FEZ2: variants seen among roughly 807,000 people sequenced by gnomAD.
FEZ2 encodes fasciculation and elongation protein zeta-2.
A neutral mutation model predicts 40.4 loss-of-function variants in FEZ2; 51 were observed. That is an observed-to-expected ratio of 1.26 (90% CI 1.01 to 1.59). FEZ2 has a LOEUF of 1.59. Ranked by LOEUF, FEZ2 falls within the 40% of genes most tolerant of loss-of-function variation. The pLI is 0.00. For missense variants in FEZ2, 640 were observed against 438.3 expected, an observed-to-expected ratio of 1.46 and a Z score of -4.11; for synonymous variants, 242 against 172.0, an observed-to-expected ratio of 1.41 and a Z score of -3.18.
chr2:36,584,452 T>C (rs1668842404), intron 2 of FEZ2, among the ~76,000 whole-genome samples: 1 of 152,194 alleles, frequency 6.6e-6, no homozygotes, highest in East Asian at 1.9e-4. Flanking sequence ...GTACTGATTG[T>C]AAAAACTTTG....
intron 4 of FEZ2, among the ~76,000 whole-genome samples, chr2:36,580,030 T>C (rs1668686926): frequency 6.6e-6 from 1 of 152,222 alleles, no homozygotes; most frequent in African/African-American, 2.4e-5. Flanking sequence ...GGCAGCCATC[T>C]GCATGTCAAG....
intron 5 of FEZ2, among the ~76,000 whole-genome samples, chr2:36,559,675 TC>T (rs1342365459): frequency 2.0e-5 from 3 of 152,214 alleles, no homozygotes; most frequent in African/African-American, 7.2e-5. Context: ...AATGATGTCC[TC>T]CTGGCTTCAC....
At chr2:36,587,524 C>T (rs939027628) in intron 2 of FEZ2, among the ~76,000 whole-genome samples, 7 of 152,270 alleles carry the variant, frequency 4.6e-5, no homozygotes, top group East Asian at 1.9e-4. Context: ...TTGCCTTACT[C>T]TAAAAAAGAC....
At chr2:36,593,097 T>C (rs1573034203) in intron 1 of FEZ2, among the ~76,000 whole-genome samples, 1 of 152,190 alleles carries the variant, frequency 6.6e-6, no homozygotes, top group East Asian at 1.9e-4. Flanking sequence ...AATGACTGTA[T>C]AGTCCATTTT....
At chr2:36,588,319 C>T (rs373044403) in intron 2 of FEZ2, among the ~76,000 whole-genome samples, 7 of 152,242 alleles carry the variant, frequency 4.6e-5, no homozygotes, top group South Asian at 2.1e-4. Context: ...TGAGCCACCG[C>T]GCCCAGCCAG....
chr2:36,561,082 T>C (rs1175020635), intron 5 of FEZ2, among the ~76,000 whole-genome samples: 1 of 152,278 alleles, frequency 6.6e-6, no homozygotes, highest in East Asian at 1.9e-4. Flanking sequence ...GTTTTTATGC[T>C]ACTATATTCA....
chr2:36,561,405 C>G (rs767829205), intron 5 of FEZ2: 1 of 152,150 alleles, frequency 6.6e-6, no homozygotes, highest in East Asian at 1.9e-4. Context: ...TGCAGAAATG[C>G]GAACTAGAAG....
intron 5 of FEZ2, among the ~76,000 whole-genome samples, chr2:36,568,935 G>A (rs370896294): frequency 6.6e-6 from 1 of 152,064 alleles, no homozygotes; most frequent in East Asian, 1.9e-4. Context: ...ACCAAAATCT[G>A]AAAGACGAAG....
Position 36,581,328 on chromosome 2 carries a change from T to C in FEZ2, c.596A>G (p.Gln199Arg). ...GCCGGTACTAGACCTCTTGAGAGTTTGAATTTCCTGGGAAAGCATTGAAAG... is the reference window on the plus strand; with the variant it reads ...GCCGGTACTAGACCTCTTGAGAGTTCGAATTTCCTGGGAAAGCATTGAAAG... ...DRLSMLSQEI[Q>R]TLKRSSTGSY... Residue 199 changes from glutamine (Q) to arginine (R), a missense_variant, in exon 4 of 8, where the codon CAA becomes CGA. Transcript: ENST00000405912. The C allele has an allele frequency of 6.2e-7, 1 of 1,613,888 alleles. No individual in the cohort carries two copies. The highest frequency in any genetic ancestry group is 8.5e-7 in the Non-Finnish European group (1 of 1,179,774).
intron 1 of FEZ2, among the ~76,000 whole-genome samples, chr2:36,597,490 G>C (rs1230556536): frequency 6.6e-6 from 1 of 152,202 alleles, no homozygotes; most frequent in African/African-American, 2.4e-5. Flanking sequence ...GCGAAGCAGC[G>C]CCTGGCACTC....
chr2:36,560,698 A>T, intron 5 of FEZ2: 3 of 767,506 alleles, frequency 3.9e-6, no homozygotes, highest in Non-Finnish European at 4.4e-6. Context: ...TGGTCTTAGT[A>T]AATTAGTAAA....
chr2:36,596,599 G>C (rs1179973370), intron 1 of FEZ2, among the ~76,000 whole-genome samples: 2 of 151,996 alleles, frequency 1.3e-5, no homozygotes, highest in East Asian at 1.9e-4. Flanking sequence ...GGGTCCGTGG[G>C]ACCACGGGCA....
intron 5 of FEZ2, among the ~76,000 whole-genome samples, chr2:36,559,725 CT>C (rs1332950974): frequency 6.6e-6 from 1 of 152,248 alleles, no homozygotes; most frequent in Non-Finnish European, 1.5e-5. Context: ...CACCAGGCGG[CT>C]GCACCCTGGC....
At chr2:36,581,890 A>T (rs1254644410) in intron 3 of FEZ2, among the ~76,000 whole-genome samples, 1 of 152,202 alleles carries the variant, frequency 6.6e-6, no homozygotes, top group Non-Finnish European at 1.5e-5. Flanking sequence ...TAGCACAAAA[A>T]AAGTATATAT....
chr2:36,597,821 T>G, intron 1 of FEZ2, 56 bp downstream of exon 1: 1 of 1,262,712 alleles, frequency 7.9e-7, no homozygotes. Context: ...GGGCTGCCGG[T>G]CGGGCGAGGG....
chr2:36,579,635 C>T (rs189758779), intron 4 of FEZ2, among the ~76,000 whole-genome samples: 8 of 152,076 alleles, frequency 5.3e-5, no homozygotes, highest in Admixed American at 5.2e-4. Context: ...CTCCCTGAGG[C>T]CCCCCCAGAA....
At chr2:36,567,808 G>C (rs1318947417) in intron 5 of FEZ2, among the ~76,000 whole-genome samples, 1 of 151,492 alleles carries the variant, frequency 6.6e-6, no homozygotes, top group Non-Finnish European at 1.5e-5. Context: ...GATAATCAAA[G>C]AGTAGCAAGT....
intron 1 of FEZ2, among the ~76,000 whole-genome samples, chr2:36,595,536 T>A (rs1669191161): frequency 6.6e-6 from 1 of 152,188 alleles, no homozygotes; most frequent in Admixed American, 6.5e-5. Context: ...TAAATACAGA[T>A]GAGGCTTTGC....
chr2:36,571,876 G>A (rs564234550), intron 5 of FEZ2, among the ~76,000 whole-genome samples: 160 of 150,670 alleles, frequency 1.1e-3, no homozygotes, highest in African/African-American at 3.1e-3. Flanking sequence ...TTAGCCGGGC[G>A]GGGTGGACCA....
Sources: gnomAD v4.1 joint callset for allele counts (sites outside exome capture counted in the v4.1 genomes callset) on GRCh38, gnomAD v4.1.1 for gene constraint, MANE v1.5 for transcripts, NCBI Gene and HGNC (gene_info 2026-07-23, HGNC 2026-07-21) for gene names.